Variants in DYNC1I1 observed in about 807,000 individuals in gnomAD.
DYNC1I1 encodes the protein dynein cytoplasmic 1 intermediate chain 1.
Under a neutral mutation model 86.6 loss-of-function variants are expected in DYNC1I1, and 43 were observed. The ratio of observed to expected loss-of-function variants is 0.50; its 90% CI spans 0.39 to 0.64. The LOEUF is 0.64. DYNC1I1 is among the 30% of genes least tolerant of loss of function. The probability of loss-of-function intolerance (pLI) is 0.00; values close to 1 mark genes in which losing one functional copy is unlikely to be tolerated. For synonymous variants in DYNC1I1, 262 were observed against 283.7 expected (o/e 0.92, Z 0.77); for missense variants, 604 against 788.8 (o/e 0.77, Z 2.81).
At chr7:96,034,648 T>C (rs73399022) in intron 12 of DYNC1I1, among the ~76,000 whole-genome samples, 11,359 of 152,226 alleles carry the variant, frequency 0.075, 656 homozygotes, top group African/African-American at 0.16. Context: ...AGTCACAGCA[T>C]CCTCTCCTTT....
intron 16 of DYNC1I1, among the ~76,000 whole-genome samples, chr7:96,091,707 A>G (rs538338014): frequency 6.6e-6 from 1 of 152,228 alleles, no homozygotes; most frequent in Non-Finnish European, 1.5e-5. Flanking sequence ...GGAAGGTTTG[A>G]CTGAGAACTA....
At chr7:95,835,554 C>T (rs1243064740) in intron 5 of DYNC1I1, among the ~76,000 whole-genome samples, 4 of 151,278 alleles carry the variant, frequency 2.6e-5, no homozygotes, top group Non-Finnish European at 4.4e-5. Context: ...ATTGATCTGT[C>T]TAATGTTGAC....
At chr7:96,016,534 G>A (rs1794406277) in intron 10 of DYNC1I1, among the ~76,000 whole-genome samples, 1 of 152,048 alleles carries the variant, frequency 6.6e-6, no homozygotes, top group South Asian at 2.1e-4. Flanking sequence ...TCCAAAGCAG[G>A]ACACACATAT....
intron 6 of DYNC1I1, among the ~76,000 whole-genome samples, chr7:95,909,803 G>A (rs1030071871): frequency 6.6e-6 from 1 of 152,182 alleles, no homozygotes; most frequent in Non-Finnish European, 1.5e-5. Context: ...GCGAGCCACA[G>A]ACTTGGGACC....
At chr7:95,856,846 G>T (rs190664376) in intron 5 of DYNC1I1, among the ~76,000 whole-genome samples, 67 of 152,230 alleles carry the variant, frequency 4.4e-4, no homozygotes, top group African/African-American at 1.5e-3. Context: ...GGGCGTGGTG[G>T]CAGGCGCCTG....
chr7:95,985,107 C>G, intron 8 of DYNC1I1, 130 bp downstream of exon 8: 1 of 1,283,004 alleles, frequency 7.8e-7, no homozygotes. Flanking sequence ...ATTGATCTTG[C>G]TGAACAGCTT....
At chr7:95,992,787 G>A (rs1793763980) in intron 9 of DYNC1I1, among the ~76,000 whole-genome samples, 1 of 152,048 alleles carries the variant, frequency 6.6e-6, no homozygotes, top group South Asian at 2.1e-4. Context: ...GCTAATTTTT[G>A]TATTTTTAGT....
chr7:95,986,981 G>A, intron 8 of DYNC1I1, 75 bp from the exon 9 acceptor site: 1 of 1,325,004 alleles, frequency 7.5e-7, no homozygotes, highest in East Asian at 2.3e-5. Flanking sequence ...CCAGGCTTTT[G>A]CCATATCAGT....
chr7:96,039,435 G>C lies in DYNC1I1; in HGVS notation c.1509+14G>C. 1 of 1,613,580 alleles carries C rather than the reference G, an allele frequency of 6.2e-7. No homozygotes were observed. Among genetic ancestry groups the C allele is most frequent in the East Asian group, 2.2e-5 (1 of 44,822 alleles). ...TGGACCACCAAGGTAAGAATATCTT[G>C]ACTGAAATTCTCAGATAATACATAA... On this transcript the variant is annotated intron_variant, in intron 14 of 16. Transcript: ENST00000447467.
At chr7:95,999,658 T>G (rs1793961485) in intron 10 of DYNC1I1, among the ~76,000 whole-genome samples, 1 of 151,788 alleles carries the variant, frequency 6.6e-6, no homozygotes, top group Admixed American at 6.6e-5. Context: ...CTGTGAAGAG[T>G]GATGGTAACA....
At chr7:95,898,978 A>C (rs1389855471) in intron 6 of DYNC1I1, among the ~76,000 whole-genome samples, 1 of 152,118 alleles carries the variant, frequency 6.6e-6, no homozygotes, top group Non-Finnish European at 1.5e-5. Flanking sequence ...TTTATTGAAA[A>C]CTCAATCTGG....
At chr7:96,043,695 C>A (rs1392295299) in intron 14 of DYNC1I1, among the ~76,000 whole-genome samples, 1 of 151,992 alleles carries the variant, frequency 6.6e-6, no homozygotes, top group Admixed American at 6.6e-5. Flanking sequence ...TGATGATATT[C>A]ATGCAGTACT....
intron 7 of DYNC1I1, among the ~76,000 whole-genome samples, chr7:95,983,707 A>T (rs1237007718): frequency 1.3e-5 from 2 of 152,206 alleles, no homozygotes; most frequent in Non-Finnish European, 2.9e-5. Context: ...CCATGTGGCC[A>T]GGTGGAAATC....
At chr7:95,846,507 G>C (rs536866470) in intron 5 of DYNC1I1, among the ~76,000 whole-genome samples, 1 of 152,152 alleles carries the variant, frequency 6.6e-6, no homozygotes, top group Non-Finnish European at 1.5e-5. Context: ...TTTTAAATGT[G>C]AACATAGAAG....
intron 5 of DYNC1I1, among the ~76,000 whole-genome samples, chr7:95,851,907 G>A (rs768647032): frequency 1.3e-5 from 2 of 151,976 alleles, no homozygotes; most frequent in Non-Finnish European, 2.9e-5. Context: ...TAGGTGATCC[G>A]CCCTCCTTGG....
intron 10 of DYNC1I1, among the ~76,000 whole-genome samples, chr7:96,000,528 A>C (rs1793983269): frequency 6.6e-6 from 1 of 152,204 alleles, no homozygotes; most frequent in African/African-American, 2.4e-5. Flanking sequence ...CTTTCGGAAA[A>C]GGCATAAGGG....
intron 6 of DYNC1I1, among the ~76,000 whole-genome samples, chr7:95,900,275 G>A (rs936829500): frequency 6.6e-6 from 1 of 152,036 alleles, no homozygotes; most frequent in African/African-American, 2.4e-5. Context: ...GTGACATTCT[G>A]CTATTCTTTG....
intron 6 of DYNC1I1, among the ~76,000 whole-genome samples, chr7:95,875,533 GAAATGCCC>G (rs1790287644): frequency 6.6e-6 from 1 of 152,154 alleles, no homozygotes; most frequent in Non-Finnish European, 1.5e-5. Flanking sequence ...ATCTTGGGTA[GAAATGCCC>G]AAATTCATAG....
At chr7:95,822,587 C>T (rs1795100586) in intron 4 of DYNC1I1, among the ~76,000 whole-genome samples, 1 of 152,046 alleles carries the variant, frequency 6.6e-6, no homozygotes, top group Non-Finnish European at 1.5e-5. Context: ...ACCATAGAAC[C>T]GTAACAGTGC....
Sources: allele counts gnomAD v4.1 joint callset (sites outside exome capture counted in the v4.1 genomes callset), GRCh38; gene constraint gnomAD v4.1.1; transcripts MANE v1.5; gene names NCBI Gene and HGNC (gene_info 2026-07-23, HGNC 2026-07-21).